Variants in ZNF609 observed in about 807,000 individuals in gnomAD.
ZNF609 encodes the protein zinc finger protein 609.
A neutral mutation model predicts 109.5 loss-of-function variants in ZNF609; 11 were observed. The ratio of observed to expected loss-of-function variants is 0.10; its 90% CI spans 0.06 to 0.17. The LOEUF is 0.17. Among genes scored for constraint, ZNF609 ranks in the 10% least tolerant of loss-of-function variants. The pLI, the probability that ZNF609 is intolerant of heterozygous loss-of-function variation, is 1.00. For missense variants in ZNF609, 1,559 were observed against 1,772.4 expected (o/e 0.88, Z 2.16); for synonymous variants, 646 against 662.0 (o/e 0.98, Z 0.37).
intron 2 of ZNF609, among the ~76,000 whole-genome samples, chr15:64,619,948 G>A (rs755046821): frequency 1.3e-5 from 2 of 152,162 alleles, no homozygotes; most frequent in Non-Finnish European, 2.9e-5. Context: ...AGCCTGCCAG[G>A]AGCACTGAAT....
intron 2 of ZNF609, among the ~76,000 whole-genome samples, chr15:64,599,526 C>G (rs1895460426): frequency 6.6e-6 from 1 of 152,150 alleles, no homozygotes; most frequent in South Asian, 2.1e-4. Flanking sequence ...TGATGCCTTG[C>G]AAAGTCAAAT....
intron 1 of ZNF609, among the ~76,000 whole-genome samples, chr15:64,497,900 C>A (rs1271963914): frequency 6.8e-6 from 1 of 146,786 alleles, no homozygotes; most frequent in Non-Finnish European, 1.5e-5. Context: ...GGCTCTGACT[C>A]AAAAAAAAAA....
At chr15:64,550,441 C>G (rs1894447962) in intron 2 of ZNF609, among the ~76,000 whole-genome samples, 1 of 152,012 alleles carries the variant, frequency 6.6e-6, no homozygotes, top group African/African-American at 2.4e-5. Flanking sequence ...TGCCTCTAAT[C>G]CCAGCACTCT....
At chr15:64,536,729 C>A (rs1039151293) in intron 2 of ZNF609, among the ~76,000 whole-genome samples, 2 of 140,638 alleles carry the variant, frequency 1.4e-5, no homozygotes, top group Non-Finnish European at 3.2e-5. Flanking sequence ...TTCCACCCCC[C>A]CCCCCAAAAA....
chr15:64,663,552 G>T (rs1896608730), intron 3 of ZNF609, among the ~76,000 whole-genome samples: 1 of 152,122 alleles, frequency 6.6e-6, no homozygotes, highest in Non-Finnish European at 1.5e-5. Flanking sequence ...GAGTTTAGGG[G>T]AGAGGTTGGG....
intron 3 of ZNF609, among the ~76,000 whole-genome samples, chr15:64,649,645 A>G (rs1005293258): frequency 2.0e-5 from 3 of 152,192 alleles, no homozygotes; most frequent in African/African-American, 4.8e-5. Context: ...AGTACCTGCT[A>G]AGTATTTAGG....
At chr15:64,626,830 C>T (rs911033003) in intron 3 of ZNF609, among the ~76,000 whole-genome samples, 1 of 152,074 alleles carries the variant, frequency 6.6e-6, no homozygotes, top group African/African-American at 2.4e-5. Flanking sequence ...TAGATTCAAC[C>T]GTGGGACTGT....
At chr15:64,593,470 TA>T (rs1303231093) in intron 2 of ZNF609, 4 of 629,278 alleles carry the variant, frequency 6.4e-6, no homozygotes, top group Non-Finnish European at 1.1e-5. Flanking sequence ...GAAATTCTGA[TA>T]ACCTTTCATA....
rs1893721614 is a variant in ZNF609, at chr15:64,511,117, G to A, written c.747+10951G>A. ...TTTTTTCTTTTTTGTTTCTTCAGAA[G>A]TCAGGTACTTAGTTCTGCACTGAAT... On this transcript the variant is annotated intron_variant, in intron 2 of 9. Coordinates refer to ENST00000326648, the MANE Select transcript of ZNF609 (RefSeq NM_015042.2). 4.0e-5 allele frequency among the ~76,000 whole-genome samples: 6 copies of A among 150,840 alleles called. No individual in the cohort carries two copies. The South Asian group carries it at 1.3e-3, about 32-fold the overall frequency.
At chr15:64,666,030 G>A (rs1321918599) in intron 3 of ZNF609, among the ~76,000 whole-genome samples, 1 of 150,470 alleles carries the variant, frequency 6.6e-6, no homozygotes, top group Non-Finnish European at 1.5e-5. Flanking sequence ...AGTAGGGATT[G>A]CGCCACTGCA....
chr15:64,538,359 A>G (rs954410235), intron 2 of ZNF609, among the ~76,000 whole-genome samples: 6 of 152,200 alleles, frequency 3.9e-5, no homozygotes, highest in African/African-American at 1.4e-4. Flanking sequence ...AATGTAAAAT[A>G]ATTCTTCTCC....
At chr15:64,593,006 C>T (rs964765262) in intron 2 of ZNF609, 59 of 1,552,050 alleles carry the variant, frequency 3.8e-5, no homozygotes, top group Middle Eastern at 1.7e-4. Flanking sequence ...GAACAATGGT[C>T]GTGCCAAAAA....
chr15:64,561,644 C>A (rs907374866), intron 2 of ZNF609, among the ~76,000 whole-genome samples: 1 of 151,214 alleles, frequency 6.6e-6, no homozygotes, highest in Non-Finnish European at 1.5e-5. Flanking sequence ...AATCCTCTTG[C>A]CTCAGCCTCC....
chr15:64,509,056 T>A (rs951240017), intron 2 of ZNF609, among the ~76,000 whole-genome samples: 2 of 152,218 alleles, frequency 1.3e-5, no homozygotes, highest in Non-Finnish European at 2.9e-5. Flanking sequence ...CACTAAAGTT[T>A]GATATCTACT....
At chr15:64,529,897 A>G (rs998099522) in intron 2 of ZNF609, among the ~76,000 whole-genome samples, 4 of 150,542 alleles carry the variant, frequency 2.7e-5, no homozygotes, top group African/African-American at 9.8e-5. Flanking sequence ...CGCCTGGCTA[A>G]TTTTGTATTT....
chr15:64,680,884 C>A (rs774356291), intron 8 of ZNF609, 22 bp downstream of exon 8: 1 of 1,603,862 alleles, frequency 6.2e-7, no homozygotes, highest in Non-Finnish European at 8.5e-7. Flanking sequence ...TTCCCTACCA[C>A]CTGTTGTTTT....
chr15:64,465,520 A>G (rs1447721147), intron 1 of ZNF609, among the ~76,000 whole-genome samples: 3 of 151,836 alleles, frequency 2.0e-5, no homozygotes, highest in South Asian at 2.1e-4. Flanking sequence ...GGCTGGGTCT[A>G]CAGGCGCCCA....
At chr15:64,680,399 C>G in intron 7 of ZNF609, 39 bp downstream of exon 7, 1 of 1,604,294 alleles carries the variant, frequency 6.2e-7, no homozygotes, top group Non-Finnish European at 8.5e-7. Context: ...TACCCAAAGA[C>G]TAGTAAGGCC....
At chr15:64,640,538 A>G (rs919429903) in intron 3 of ZNF609, among the ~76,000 whole-genome samples, 1 of 152,212 alleles carries the variant, frequency 6.6e-6, no homozygotes, top group Non-Finnish European at 1.5e-5. Context: ...AAGAAGGCCA[A>G]AAGGAAAAGT....
Sources: allele counts gnomAD v4.1 joint callset (sites outside exome capture counted in the v4.1 genomes callset), GRCh38; gene constraint gnomAD v4.1.1; transcripts MANE v1.5; gene names NCBI Gene and HGNC (gene_info 2026-07-23, HGNC 2026-07-21).